The following NCAM1 variants were observed in gnomAD, a reference collection of about 807,000 sequenced individuals.
NCAM1 encodes the protein neural cell adhesion molecule 1.
In NCAM1, 14 loss-of-function variants were observed where a neutral mutation model predicts 109.8. The ratio of observed to expected loss-of-function variants is 0.13; its 90% CI spans 0.08 to 0.20. The LOEUF (loss-of-function observed/expected upper bound fraction) is 0.20, where lower values mean the gene tolerates loss of function less well. Ranked by LOEUF, NCAM1 falls within the 10% of genes least tolerant of loss-of-function variation. The pLI, the probability that NCAM1 is intolerant of heterozygous loss-of-function variation, is 1.00. For missense variants in NCAM1, 774 were observed against 1,109.9 expected (o/e 0.70, Z 4.30); for synonymous variants, 418 against 442.9 (o/e 0.94, Z 0.70).
intron 1 of NCAM1, among the ~76,000 whole-genome samples, chr11:113,146,155 A>G (rs1942009660): frequency 1.3e-5 from 2 of 152,224 alleles, no homozygotes; most frequent in South Asian, 2.1e-4. Context: ...AATTATTGAC[A>G]TCATTGGGGA....
intron 9 of NCAM1, among the ~76,000 whole-genome samples, chr11:113,223,720 T>C (rs1944750118): frequency 6.6e-6 from 1 of 152,122 alleles, no homozygotes; most frequent in South Asian, 2.1e-4. Flanking sequence ...ACAAAGAATT[T>C]TAGTTCAGTT....
chr11:113,226,419 G>A (rs1041149692), intron 9 of NCAM1, among the ~76,000 whole-genome samples: 4 of 152,230 alleles, frequency 2.6e-5, no homozygotes, highest in South Asian at 2.1e-4. Flanking sequence ...AGGAGCACCC[G>A]GATTCATAAA....
Position 112,962,729 on chromosome 11 carries a change from C to T in NCAM1, c.52+1065C>T, listed in dbSNP as rs1407541103. Among the ~76,000 whole-genome samples the T allele has an allele frequency of 6.6e-6, 1 of 152,050 alleles. No homozygotes were observed. The highest frequency in any genetic ancestry group is 1.5e-5 in the Non-Finnish European group (1 of 67,988). The stretch of plus-strand genomic sequence containing the variant: ...ATCCCGGCCTCCCTGGAAAATTCTT[C>T]TGTGCGTGCCCACCCTCCCCTCCAG... On this transcript the variant is annotated intron_variant, in intron 1 of 19. Transcript: ENST00000316851. The surrounding 1 kb of genome is among the most constrained non-coding windows in gnomAD (Gnocchi z 5.6).
intron 15 of NCAM1, among the ~76,000 whole-genome samples, chr11:113,246,986 A>G (rs1945518143): frequency 6.6e-6 from 1 of 152,162 alleles, no homozygotes; most frequent in African/African-American, 2.4e-5. Context: ...TCCCCCAGGG[A>G]GGGGGAGAAA....
chr11:113,228,028 A>G lies in NCAM1; in HGVS notation c.1090-3617A>G, dbSNP rs201300349. On this transcript the variant is annotated intron_variant, in intron 9 of 19. Transcript: ENST00000316851. The stretch of plus-strand genomic sequence containing the variant: ...TTCCCTTTGAAAACTGGCATAAGAC[A>G]GGGATGCCCTCTCTCACTACTCCTA... 3.3e-5 allele frequency among the ~76,000 whole-genome samples: 5 copies of G among 152,242 alleles called. No homozygotes were observed. The East Asian group carries it at 7.7e-4, about 23-fold the overall frequency.
In NCAM1 at chr11:113,273,105, T is replaced by C; in HGVS notation, c.2456+1229T>C. 1 of 455,658 alleles carries C rather than the reference T, an allele frequency of 2.2e-6. No homozygotes were observed. Among genetic ancestry groups the C allele is most frequent in the Non-Finnish European group, 4.4e-6 (1 of 226,394 alleles). 28.2% of individuals were successfully genotyped at this position (455,658 alleles called of 1,614,324 possible). A position where few individuals can be genotyped will look rare whatever the true frequency, so the allele number is the denominator to read the frequency against. ...CCCGCCGGCCACGGCCACGCCTGAC[T>C]CAAACTCTGTACCGGCTGGCCAGGC... is the stretch of plus-strand genomic sequence containing the variant. On this transcript the variant is annotated intron_variant, in intron 19 of 19. Transcript: ENST00000316851. The surrounding 1 kb of genome is among the most constrained non-coding windows in gnomAD (Gnocchi z 6.0).
At chr11:113,242,345 C>T (rs1945353837) in intron 14 of NCAM1, among the ~76,000 whole-genome samples, 2 of 152,170 alleles carry the variant, frequency 1.3e-5, no homozygotes, top group African/African-American at 2.4e-5. Context: ...TAAGGCCCAG[C>T]ATGGTGGCTC....
intron 14 of NCAM1, among the ~76,000 whole-genome samples, chr11:113,244,220 G>A (rs1945431360): frequency 6.6e-6 from 1 of 152,112 alleles, no homozygotes; most frequent in Non-Finnish European, 1.5e-5. Flanking sequence ...TATTTCAGGT[G>A]GCTCACTGTA....
At chr11:113,210,775 A>AACACACACACACACACACAC (rs35387760) in intron 7 of NCAM1, among the ~76,000 whole-genome samples, 15 of 130,980 alleles carry the variant, frequency 1.1e-4, no homozygotes, top group South Asian at 8.3e-4. Context: ...CTTCATCACA[A>AACACACACACACACACACAC]ACACACACAC....
intron 1 of NCAM1, among the ~76,000 whole-genome samples, chr11:113,102,708 C>T (rs1389150642): frequency 3.3e-5 from 5 of 152,148 alleles, no homozygotes; most frequent in East Asian, 1.9e-4. Context: ...ACGTGAGCAA[C>T]GTAGACCATT....
rs1281594666 is a variant in NCAM1, at chr11:113,277,961, T to G, written c.*2574T>G. On this transcript the variant is annotated 3_prime_UTR_variant, in exon 20 of 20. Transcript: ENST00000316851. ...ATGTTAAGAGATCAAAGCTTATAATTTTCTTTTTTAATTTTTGAAGGAGGG... is the reference window on the plus strand; with the variant it reads ...ATGTTAAGAGATCAAAGCTTATAATGTTCTTTTTTAATTTTTGAAGGAGGG... 2.0e-5 allele frequency: 3 copies of G among 151,870 alleles called. No homozygotes were observed. Among genetic ancestry groups the G allele is most frequent in the African/African-American group, 4.8e-5 (2 of 41,290 alleles). 9.4% of individuals were successfully genotyped at this position (151,870 alleles called of 1,614,324 possible). A position where few individuals can be genotyped will look rare whatever the true frequency, so the allele number is the denominator to read the frequency against.
intron 1 of NCAM1, among the ~76,000 whole-genome samples, chr11:113,066,445 G>A (rs1937962356): frequency 6.6e-6 from 1 of 152,102 alleles, no homozygotes; most frequent in Non-Finnish European, 1.5e-5. Context: ...TCCAGGATTG[G>A]GTAGAAAAGG....
chr11:113,136,724 G>A (rs991904187), intron 1 of NCAM1, among the ~76,000 whole-genome samples: 20 of 152,142 alleles, frequency 1.3e-4, no homozygotes, highest in Non-Finnish European at 1.6e-4. Flanking sequence ...TTGGCTTGAG[G>A]GGTTTAGGAA....
chr11:113,073,247 CTA>C (rs1420226382), intron 1 of NCAM1, among the ~76,000 whole-genome samples: 1 of 151,872 alleles, frequency 6.6e-6, no homozygotes, highest in African/African-American at 2.4e-5. Context: ...TTATTTTATA[CTA>C]TTCTTTTTTT....
chr11:113,079,654 T>C (rs1938697011), intron 1 of NCAM1, among the ~76,000 whole-genome samples: 1 of 152,246 alleles, frequency 6.6e-6, no homozygotes, highest in Non-Finnish European at 1.5e-5. Context: ...ATATTCTTCA[T>C]AATAAATCCA....
At chr11:113,186,390 C>T (rs190004027) in intron 1 of NCAM1, among the ~76,000 whole-genome samples, 3 of 152,302 alleles carry the variant, frequency 2.0e-5, no homozygotes, top group Admixed American at 6.5e-5. Flanking sequence ...AACCCTCTGC[C>T]GGTCCATGGA....
At chr11:113,205,936 C>A in intron 4 of NCAM1, 107 bp from the exon 5 acceptor site, 1 of 1,396,576 alleles carries the variant, frequency 7.2e-7, no homozygotes, top group Non-Finnish European at 1.0e-6. Flanking sequence ...GGGCTTAAAA[C>A]CCCACCCTAT....
chr11:113,148,098 C>T (rs1942085497), intron 1 of NCAM1, among the ~76,000 whole-genome samples: 1 of 152,224 alleles, frequency 6.6e-6, no homozygotes, highest in Non-Finnish European at 1.5e-5. Flanking sequence ...AACATCTTCT[C>T]TCCCCTCCTT....
intron 1 of NCAM1, among the ~76,000 whole-genome samples, chr11:113,044,249 G>C (rs1953184187): frequency 6.6e-6 from 1 of 152,040 alleles, no homozygotes; most frequent in Non-Finnish European, 1.5e-5. Flanking sequence ...AGCATACCAG[G>C]ATGGATCTAG....
Sources: allele counts gnomAD v4.1 joint callset (sites outside exome capture counted in the v4.1 genomes callset), GRCh38; gene constraint gnomAD v4.1.1; non-coding constraint Gnocchi (gnomAD v3.1); transcripts MANE v1.5; gene names NCBI Gene and HGNC (gene_info 2026-07-23, HGNC 2026-07-21).